The following ANK1 variants were observed in gnomAD, a reference collection of about 807,000 sequenced individuals.
ANK1 encodes the protein ankyrin-1.
Under a neutral mutation model 210.4 loss-of-function variants are expected in ANK1, and 51 were observed. That is an observed-to-expected ratio of 0.24 (90% CI 0.19 to 0.31). ANK1 has a LOEUF of 0.31. Ranked by LOEUF, ANK1 falls within the 10% of genes least tolerant of loss-of-function variation. ANK1 has a pLI of 1.00. For missense variants in ANK1, 2,051 were observed against 2,504.4 expected, an observed-to-expected ratio of 0.82 and a Z score of 3.86; for synonymous variants, 967 against 1,025.9, an observed-to-expected ratio of 0.94 and a Z score of 1.10.
At chr8:41,714,344 A>G in intron 15 of ANK1, 90 bp from the exon 16 acceptor site, 2 of 991,390 alleles carry the variant, frequency 2.0e-6, no homozygotes, top group Non-Finnish European at 2.9e-6. Flanking sequence ...CCTATTTTAT[A>G]CAGTAAAATC....
chr8:41,699,507 T>C lies in ANK1; in HGVS notation c.2503A>G (p.Arg835Gly). Residue 835 changes from arginine (R) to glycine (G), a missense_variant, in exon 23 of 43, where the codon AGG (arginine) becomes GGG (glycine). Coordinates refer to ENST00000289734, the MANE Select transcript of ANK1 (RefSeq NM_000037.4). ...AGCTCCTTCTCTTCATCAACATCCC[T>C]GGAATCCCGCCTCTCAGCCTTGAAG... ...ISFKAERRDS[R>G]DVDEEKELLD... 1 of 1,614,100 alleles carries C rather than the reference T, an allele frequency of 6.2e-7. No homozygotes were observed. The highest frequency in any genetic ancestry group is 8.5e-7 in the Non-Finnish European group (1 of 1,180,036).
upstream of ANK1, among the ~76,000 whole-genome samples, chr8:41,802,149 C>T (rs75970596): frequency 9.9e-4 from 151 of 152,296 alleles, 2 homozygotes; most frequent in East Asian, 0.027. Flanking sequence ...ACCACCACGC[C>T]TGGCTAATGT....
intron 9 of ANK1, among the ~76,000 whole-genome samples, 191 bp from the exon 10 acceptor site, chr8:41,720,049 T>C (rs1452185600): frequency 6.6e-6 from 1 of 152,194 alleles, no homozygotes; most frequent in Non-Finnish European, 1.5e-5. Flanking sequence ...CCTTTCCACC[T>C]GGCCAAACCT....
At chr8:41,762,138 G>A (rs1005267820) in intron 1 of ANK1, among the ~76,000 whole-genome samples, 2 of 152,166 alleles carry the variant, frequency 1.3e-5, no homozygotes, top group African/African-American at 4.8e-5. Context: ...ACAGCGGCAG[G>A]AGCCCCTTCT....
chr8:41,894,389 A>G (rs1820037885), intron 1 of ANK1, among the ~76,000 whole-genome samples: 1 of 152,218 alleles, frequency 6.6e-6, no homozygotes, highest in African/African-American at 2.4e-5. Flanking sequence ...CTACCACCAA[A>G]AGAAAAAAAA....
chr8:41,715,517 G>C, intron 14 of ANK1, 135 bp downstream of exon 14: 1 of 1,174,386 alleles, frequency 8.5e-7, no homozygotes, highest in Admixed American at 2.0e-5. Flanking sequence ...GGCCAGCCCT[G>C]AGTGTGACGA....
At chr8:41,872,610 G>T (rs933851627) in intron 1 of ANK1, among the ~76,000 whole-genome samples, 2 of 152,242 alleles carry the variant, frequency 1.3e-5, no homozygotes, top group African/African-American at 4.8e-5. Flanking sequence ...GCGTCCAGCC[G>T]CAGATGCATT....
At chr8:41,820,956 A>T (rs1453104027) in intron 1 of ANK1, among the ~76,000 whole-genome samples, 1 of 152,220 alleles carries the variant, frequency 6.6e-6, no homozygotes, top group Non-Finnish European at 1.5e-5. Flanking sequence ...GCAGACAAAA[A>T]GTCCCTTGGG....
At chr8:41,841,458 T>G (rs144865223) in intron 1 of ANK1, among the ~76,000 whole-genome samples, 6 of 152,342 alleles carry the variant, frequency 3.9e-5, no homozygotes, top group Non-Finnish European at 7.4e-5. Flanking sequence ...AGCTATCCAC[T>G]GTACAACATG....
chr8:41,717,728 A>G (rs1828105992), intron 11 of ANK1, 26 bp from the exon 12 acceptor site: 4 of 1,531,550 alleles, frequency 2.6e-6, no homozygotes, highest in Non-Finnish European at 3.5e-6. Context: ...GCAGAGTCCG[A>G]TAAGTGGGAG....
At chr8:41,686,342 T>A in intron 35 of ANK1, 59 bp from the exon 36 acceptor site, 1 of 1,609,554 alleles carries the variant, frequency 6.2e-7, no homozygotes, top group Non-Finnish European at 8.5e-7. Flanking sequence ...GCAGGGGGCC[T>A]CCAGCACACA....
At chr8:41,891,182 G>A (rs1178731123) in intron 1 of ANK1, among the ~76,000 whole-genome samples, 1 of 152,168 alleles carries the variant, frequency 6.6e-6, no homozygotes, top group Non-Finnish European at 1.5e-5. Flanking sequence ...GCAGACACAG[G>A]GGCAAGCTAA....
At position 41,718,121 on chromosome 8, in the gene ANK1, G is replaced by T. The variant is rs771588067; in HGVS notation, c.1191C>A (p.Ile397=). ...TCTCTCCTACCTCGGTGACCGCGTC[G>T]ATCGAGGCTCCCGTCTTCAGCAGCA... is the stretch of plus-strand genomic sequence containing the variant. The part of the protein sequence containing the change: ...MELLLKTGAS[I]DAVTESGLTP... Residue 397 remains isoleucine (I), a synonymous_variant, in exon 11 of 43, where the codon ATC becomes ATA. Coordinates refer to ENST00000289734, the MANE Select transcript of ANK1 (RefSeq NM_000037.4). 1 of 1,613,910 alleles carries T rather than the reference G, an allele frequency of 6.2e-7. No individual in the cohort carries two copies.
intron 20 of ANK1, 54 bp from the exon 21 acceptor site, chr8:41,702,198 G>A (rs1312283365): frequency 5.4e-6 from 8 of 1,470,450 alleles, no homozygotes; most frequent in South Asian, 1.1e-5. Flanking sequence ...TCTAGGAGGC[G>A]GGGCTGGCTC....
intron 1 of ANK1, among the ~76,000 whole-genome samples, chr8:41,837,460 A>G (rs916117875): frequency 4.6e-5 from 7 of 152,250 alleles, no homozygotes; most frequent in Non-Finnish European, 1.5e-5. Context: ...CTCCTGATCC[A>G]AGGATGGTTA....
At chr8:41,717,526 G>T in intron 12 of ANK1, 78 bp downstream of exon 12, 1 of 1,295,548 alleles carries the variant, frequency 7.7e-7, no homozygotes, top group South Asian at 1.3e-5. Flanking sequence ...CCAGAGAGTA[G>T]GACTGGGAGC....
intron 1 of ANK1, among the ~76,000 whole-genome samples, chr8:41,866,127 C>T (rs1348598292): frequency 2.0e-5 from 3 of 152,208 alleles, no homozygotes; most frequent in African/African-American, 7.2e-5. Context: ...AACTTGCTTC[C>T]TCTTTTCTCT....
In ANK1 at chr8:41,654,673, C is replaced by T. The variant is rs922836487; in HGVS notation, c.*1117G>A. 3 of 152,708 alleles carry T rather than the reference C, an allele frequency of 2.0e-5. No homozygotes were observed. The highest frequency in any genetic ancestry group is 7.2e-5 in the African/African-American group (3 of 41,472). 9.5% of individuals were successfully genotyped at this position (152,708 alleles called of 1,614,324 possible). On this transcript the variant is annotated 3_prime_UTR_variant, in exon 43 of 43. Transcript: ENST00000289734. Reference sequence around the variant, plus strand: ...AGTCCTCAGGAGCTGCGCTGTCAGGCTCTGTACGTACTGCTAAATGTTTCT... The same window carrying T: ...AGTCCTCAGGAGCTGCGCTGTCAGGTTCTGTACGTACTGCTAAATGTTTCT...
chr8:41,870,084 G>A (rs886311655), intron 1 of ANK1, among the ~76,000 whole-genome samples: 11 of 152,158 alleles, frequency 7.2e-5, no homozygotes, highest in Admixed American at 6.5e-4. Flanking sequence ...GATTCAGGCG[G>A]TTCAAGGACC....
Sources: gnomAD v4.1 joint callset for allele counts (sites outside exome capture counted in the v4.1 genomes callset) on GRCh38, gnomAD v4.1.1 for gene constraint, MANE v1.5 for transcripts, NCBI Gene and HGNC (gene_info 2026-07-23, HGNC 2026-07-21) for gene names.